ADGRE5: variants seen among roughly 807,000 people sequenced by gnomAD.
ADGRE5 encodes adhesion G protein-coupled receptor E5.
A neutral mutation model predicts 100.3 loss-of-function variants in ADGRE5; 72 were observed. The observed-to-expected ratio is 0.72, with a 90% CI of 0.59 to 0.87. The LOEUF (loss-of-function observed/expected upper bound fraction) is 0.87, where lower values mean the gene tolerates loss of function less well. ADGRE5 is among the 40% of genes least tolerant of loss of function. ADGRE5 has a pLI of 0.00. For synonymous variants in ADGRE5, 439 were observed against 447.8 expected, an observed-to-expected ratio of 0.98 and a Z score of 0.25; for missense variants, 959 against 1,094.7, an observed-to-expected ratio of 0.88 and a Z score of 1.75.
intron 1 of ADGRE5, among the ~76,000 whole-genome samples, chr19:14,385,728 A>G (rs1468140027): frequency 2.0e-5 from 3 of 149,618 alleles, no homozygotes; most frequent in African/African-American, 7.4e-5. Context: ...GGAAGCGTGG[A>G]GGTCCAGGGC....
chr19:14,396,606 T>C, intron 5 of ADGRE5, 133 bp downstream of exon 5: 1 of 1,401,926 alleles, frequency 7.1e-7, no homozygotes. Context: ...GCTAAGCCCC[T>C]GCCTAAGGAT....
intron 18 of ADGRE5, 72 bp from the exon 19 acceptor site, chr19:14,407,836 G>A: frequency 7.8e-7 from 1 of 1,284,976 alleles, no homozygotes; most frequent in East Asian, 2.4e-5. Flanking sequence ...TGGGGCTGAG[G>A]GCAGAGCATG....
chr19:14,390,709 T>C (rs895567989), intron 3 of ADGRE5, among the ~76,000 whole-genome samples: 4 of 152,198 alleles, frequency 2.6e-5, no homozygotes, highest in Non-Finnish European at 4.4e-5. Context: ...CTGTTCACTG[T>C]GTCCAAATCT....
chr19:14,383,137 A>C (rs1405391744), intron 1 of ADGRE5, among the ~76,000 whole-genome samples: 3 of 152,138 alleles, frequency 2.0e-5, no homozygotes, highest in Non-Finnish European at 4.4e-5. Context: ...CAGGAGGTTG[A>C]AGCTGCAGTG....
rs201356058 is a variant in ADGRE5, at chr19:14,381,445, CA to C, written c.-78del. The stretch of plus-strand genomic sequence containing the variant: ...AGTCCTGGCCTCGGGACAGCCTGCA[CA>C]GCTGCCTAGCCTGTGGAGACGGGAC... On this transcript the variant is annotated 5_prime_UTR_variant, in exon 1 of 20. Coordinates refer to ENST00000242786, the MANE Select transcript of ADGRE5 (RefSeq NM_078481.4). The C allele has an allele frequency of 9.2e-3, 14,624 of 1,598,060 alleles. 107 individuals are homozygous for C. Among genetic ancestry groups the C allele is most frequent in the Non-Finnish European group, 0.012 (13,638 of 1,173,646 alleles).
intron 9 of ADGRE5, among the ~76,000 whole-genome samples, chr19:14,399,563 CAAAAAAAAAAAAAAAAAAAAAA>C (rs764605166): frequency 3.1e-5 from 1 of 31,826 alleles, no homozygotes; most frequent in East Asian, 1.2e-3. Flanking sequence ...GACTCCGTCT[CAAAAAAAAAAAAAAAAAAAAAA>C]AAAAAAAAAT....
rs371612036 is a variant in ADGRE5 at position 14,407,049 on chromosome 19, C to G, written c.2208-12C>G. 1.2e-5 allele frequency: 19 copies of G among 1,613,808 alleles called. No homozygotes were observed. In the African/African-American group the frequency reaches 1.9e-4, roughly 16 times the overall value. ...GAGGTGGGGGCCCACGCTGCAACCC[C>G]GCTCCTCGCAGGGCGCTGACCATCA... On this transcript the variant is annotated splice_polypyrimidine_tract_variant and intron_variant, in intron 17 of 19. Coordinates refer to ENST00000242786, the MANE Select transcript of ADGRE5 (RefSeq NM_078481.4).
chr19:14,387,565 A>G (rs1306710031), intron 1 of ADGRE5, among the ~76,000 whole-genome samples: 4 of 151,422 alleles, frequency 2.6e-5, no homozygotes, highest in Non-Finnish European at 4.4e-5. Flanking sequence ...CATCTCTACT[A>G]AAAATACAAA....
chr19:14,407,024 G>A, intron 17 of ADGRE5, 37 bp from the exon 18 acceptor site: 1 of 1,613,822 alleles, frequency 6.2e-7, no homozygotes, highest in Middle Eastern at 1.7e-4. Flanking sequence ...AGCTGGAGGT[G>A]AGGTGGGGGC....
chr19:14,406,977 G>T lies in ADGRE5; in HGVS notation c.2207+17G>T. On this transcript the variant is annotated intron_variant, in intron 17 of 19. Transcript: ENST00000242786. The surrounding 1 kb of genome is among the most constrained non-coding windows in gnomAD (Gnocchi z 6.0). ...GAAGGCGAGGTGAGAGGAGAGGCTG[G>T]AAGGACTTGGAGGCGGGGCCGGGGT... 6.2e-7 allele frequency: 1 copy of T among 1,614,000 alleles called. No homozygotes were observed. Among genetic ancestry groups the T allele is most frequent in the South Asian group, 1.1e-5 (1 of 91,084 alleles).
intron 4 of ADGRE5, among the ~76,000 whole-genome samples, chr19:14,392,577 G>C (rs1975638210): frequency 6.6e-6 from 1 of 152,140 alleles, no homozygotes; most frequent in African/African-American, 2.4e-5. Flanking sequence ...CTTTCACCTT[G>C]CTAAAAGGGG....
chr19:14,398,674 C>CAAA (rs71164256), intron 9 of ADGRE5, among the ~76,000 whole-genome samples: 76 of 52,476 alleles, frequency 1.4e-3, no homozygotes, highest in Non-Finnish European at 1.6e-3. Flanking sequence ...GACTCTGTCT[C>CAAA]AAAAAAAAAA....
At chr19:14,393,934 G>A (rs1482034182) in intron 4 of ADGRE5, among the ~76,000 whole-genome samples, 1 of 152,190 alleles carries the variant, frequency 6.6e-6, no homozygotes, top group Non-Finnish European at 1.5e-5. Context: ...AAAGTGGGCT[G>A]GTTTTCAGCC....
At chr19:14,399,520 C>T (rs113368360) in intron 9 of ADGRE5, among the ~76,000 whole-genome samples, 2,014 of 144,760 alleles carry the variant, frequency 0.014, 45 homozygotes, top group African/African-American at 0.047. Flanking sequence ...GCCGAGATCC[C>T]GCCACTGCAC....
intron 1 of ADGRE5, 49 bp from the exon 2 acceptor site, chr19:14,388,401 T>C (rs186543850): frequency 2.2e-5 from 32 of 1,445,488 alleles, no homozygotes; most frequent in Non-Finnish European, 2.9e-5. Context: ...TTACGCCTCC[T>C]TTCCCACCCT....
intron 13 of ADGRE5, chr19:14,405,483 T>G: frequency 2.2e-6 from 1 of 446,414 alleles, no homozygotes; most frequent in South Asian, 3.6e-5. Context: ...GTAGGATCCA[T>G]CGTTAAGCTG....
chr19:14,402,644 C>A lies in ADGRE5; in HGVS notation c.1231C>A (p.Leu411Met). 1 of 1,614,120 alleles carries A rather than the reference C, an allele frequency of 6.2e-7. No homozygotes were observed. The highest frequency in any genetic ancestry group is 8.5e-7 in the Non-Finnish European group (1 of 1,179,994). ...ILSIQNMTTL[L>M]ANASLNLHSK... ...CTCCATCCAGAACATGACGACATTG[C>A]TGGCCAATGCCTCCTTGAACCTGCA... The change falls in exon 12 of 20, where the codon CTG becomes ATG. Residue 411 changes from leucine (L) to methionine (M), a missense_variant. Leu to Met is a conservative substitution (Grantham distance 15, BLOSUM62 2). Around this residue, in one of 6 missense-constraint regions of ADGRE5, gnomAD observed 246 missense variants for 242.2 expected, o/e 1.02. Coordinates refer to ENST00000242786, the MANE Select transcript of ADGRE5 (RefSeq NM_078481.4).
intron 12 of ADGRE5, 121 bp from the exon 13 acceptor site, chr19:14,404,262 T>C: frequency 1.2e-6 from 1 of 866,372 alleles, no homozygotes; most frequent in African/African-American, 1.7e-5. Flanking sequence ...ACCTGTTACA[T>C]TCAGTAGGCG....
At chr19:14,400,600 T>C (rs1975970515) in intron 9 of ADGRE5, among the ~76,000 whole-genome samples, 1 of 151,966 alleles carries the variant, frequency 6.6e-6, no homozygotes, top group African/African-American at 2.4e-5. Context: ...AAGACCAGCC[T>C]GGCCAACATG....
Sources: allele counts gnomAD v4.1 joint callset (sites outside exome capture counted in the v4.1 genomes callset), GRCh38; gene constraint gnomAD v4.1.1; regional missense constraint gnomAD v4.1.1; non-coding constraint Gnocchi (gnomAD v3.1); transcripts MANE v1.5; gene names NCBI Gene and HGNC (gene_info 2026-07-23, HGNC 2026-07-21).